ARHGAP10: variants seen among roughly 807,000 people sequenced by gnomAD.
ARHGAP10 encodes the protein Rho GTPase activating protein 10.
Under a neutral mutation model 108.6 loss-of-function variants are expected in ARHGAP10, and 87 were observed. That is an observed-to-expected ratio of 0.80 (90% CI 0.67 to 0.96). The LOEUF is 0.96. Ranked by LOEUF, ARHGAP10 falls within the 40% of genes least tolerant of loss-of-function variation. ARHGAP10 has a pLI of 0.00. For synonymous variants in ARHGAP10, 347 were observed against 341.1 expected (o/e 1.02, Z -0.19); for missense variants, 939 against 954.5 (o/e 0.98, Z 0.21).
At chr4:147,856,182 C>G (rs915842703) in intron 4 of ARHGAP10, among the ~76,000 whole-genome samples, 1 of 152,190 alleles carries the variant, frequency 6.6e-6, no homozygotes, top group Non-Finnish European at 1.5e-5. Flanking sequence ...CCCATCTTCT[C>G]TGCATTTATA....
At chr4:147,921,788 G>A (rs995622056) in intron 13 of ARHGAP10, among the ~76,000 whole-genome samples, 3 of 152,164 alleles carry the variant, frequency 2.0e-5, no homozygotes, top group Admixed American at 6.5e-5. Context: ...CCGTCTCTGT[G>A]TGACATCTGG....
intron 1 of ARHGAP10, among the ~76,000 whole-genome samples, chr4:147,763,431 CCT>C (rs1729667490): frequency 6.6e-6 from 1 of 151,886 alleles, no homozygotes; most frequent in Admixed American, 6.6e-5. Context: ...CCTGCCTCAG[CCT>C]CTCGAGTAGC....
intron 9 of ARHGAP10, 72 bp from the exon 10 acceptor site, chr4:147,881,766 C>A: frequency 7.3e-7 from 1 of 1,375,636 alleles, no homozygotes; most frequent in Non-Finnish European, 1.0e-6. Context: ...CCCTGCTCTC[C>A]AGTATAGAAT....
chr4:147,858,900 T>G (rs1431215069), intron 5 of ARHGAP10, among the ~76,000 whole-genome samples: 1 of 152,236 alleles, frequency 6.6e-6, no homozygotes, highest in Admixed American at 6.5e-5. Flanking sequence ...TGGAGTCACC[T>G]TGGCCCTTTC....
At chr4:147,972,637 G>A (rs1474463575) in intron 18 of ARHGAP10, among the ~76,000 whole-genome samples, 2 of 152,188 alleles carry the variant, frequency 1.3e-5, no homozygotes, top group African/African-American at 2.4e-5. Flanking sequence ...TAGTGTCAGG[G>A]TTGTCTAGGG....
chr4:148,002,938 A>G (rs1379765979), intron 18 of ARHGAP10, among the ~76,000 whole-genome samples: 2 of 151,776 alleles, frequency 1.3e-5, no homozygotes. Flanking sequence ...GATCTTAGTT[A>G]TTTCTTGCCT....
At chr4:147,763,000 A>G (rs1206193160) in intron 1 of ARHGAP10, among the ~76,000 whole-genome samples, 1 of 152,162 alleles carries the variant, frequency 6.6e-6, no homozygotes, top group Non-Finnish European at 1.5e-5. Context: ...CTTTGACAGG[A>G]CATAAACATA....
intron 1 of ARHGAP10, among the ~76,000 whole-genome samples, chr4:147,789,849 C>T (rs1731048058): frequency 6.6e-6 from 1 of 152,092 alleles, no homozygotes; most frequent in South Asian, 2.1e-4. Flanking sequence ...CCTGTTGGTC[C>T]AGGGAGACAG....
intron 1 of ARHGAP10, among the ~76,000 whole-genome samples, chr4:147,749,722 C>G (rs1383135222): frequency 1.3e-5 from 2 of 152,100 alleles, no homozygotes; most frequent in African/African-American, 2.4e-5. Context: ...AGGATAAAAT[C>G]CAACGTAAGG....
chr4:147,925,511 C>T (rs1047751429), intron 13 of ARHGAP10, among the ~76,000 whole-genome samples: 2 of 152,048 alleles, frequency 1.3e-5, no homozygotes, highest in African/African-American at 4.8e-5. Context: ...TTTAGCTGTC[C>T]CATCCTTTCC....
intron 19 of ARHGAP10, among the ~76,000 whole-genome samples, chr4:148,033,801 CACTA>C (rs1488700752): frequency 1.3e-5 from 2 of 152,184 alleles, no homozygotes; most frequent in African/African-American, 4.8e-5. Context: ...ACTTCATTGG[CACTA>C]ACTGAGAATG....
chr4:147,791,112 CT>C (rs368304720), intron 1 of ARHGAP10, among the ~76,000 whole-genome samples: 3,673 of 134,190 alleles, frequency 0.027, 73 homozygotes, highest in African/African-American at 0.069. Flanking sequence ...ATATTCTTTA[CT>C]TTTTTTTTTT....
intron 10 of ARHGAP10, among the ~76,000 whole-genome samples, chr4:147,887,903 C>T (rs936201017): frequency 6.6e-6 from 1 of 151,538 alleles, no homozygotes; most frequent in African/African-American, 2.4e-5. Flanking sequence ...CTTCCCTCTT[C>T]TCTTTTGAGC....
At chr4:147,732,614 C>T (rs908569807) in intron 1 of ARHGAP10, among the ~76,000 whole-genome samples, 159 bp downstream of exon 1, 14 of 152,012 alleles carry the variant, frequency 9.2e-5, no homozygotes, top group African/African-American at 3.4e-4. Flanking sequence ...CCCGGGGGGT[C>T]CCTGGAATCA....
chr4:148,039,724 A>G (rs1405876403), intron 19 of ARHGAP10, among the ~76,000 whole-genome samples: 1 of 151,706 alleles, frequency 6.6e-6, no homozygotes, highest in East Asian at 1.9e-4. Context: ...TTTGTATTTG[A>G]TATTATTAAA....
chr4:147,902,343 G>A (rs1276406143), intron 10 of ARHGAP10, among the ~76,000 whole-genome samples: 3 of 152,142 alleles, frequency 2.0e-5, no homozygotes, highest in East Asian at 1.9e-4. Context: ...ACCTTTAGTG[G>A]CACTTAGGAT....
intron 22 of ARHGAP10, among the ~76,000 whole-genome samples, chr4:148,070,651 G>A (rs899576407): frequency 2.6e-5 from 4 of 152,230 alleles, no homozygotes; most frequent in Non-Finnish European, 4.4e-5. Context: ...TTGCATGCGC[G>A]CAGTGAGGGT....
chr4:147,901,331 C>G (rs1466205611), intron 10 of ARHGAP10, among the ~76,000 whole-genome samples: 2 of 152,178 alleles, frequency 1.3e-5, no homozygotes, highest in Non-Finnish European at 2.9e-5. Context: ...GGAACCCAGC[C>G]TTATTTAATA....
chr4:147,846,529 A>C (rs1238357332), intron 3 of ARHGAP10, among the ~76,000 whole-genome samples: 1 of 152,208 alleles, frequency 6.6e-6, no homozygotes, highest in Non-Finnish European at 1.5e-5. Context: ...ACCAGCCAAC[A>C]TAAAAAGAAA....
Sources: allele counts gnomAD v4.1 joint callset (sites outside exome capture counted in the v4.1 genomes callset), GRCh38; gene constraint gnomAD v4.1.1; transcripts MANE v1.5; gene names NCBI Gene and HGNC (gene_info 2026-07-23, HGNC 2026-07-21).